Variants in COL19A1 observed in about 807,000 individuals in gnomAD.
The protein encoded by COL19A1 is collagen type XIX alpha 1 chain.
In COL19A1, 159 loss-of-function variants were observed where a neutral mutation model predicts 190.2. That is an observed-to-expected ratio of 0.84 (90% CI 0.73 to 0.95). The LOEUF is 0.95. Ranked by LOEUF, COL19A1 falls within the 40% of genes least tolerant of loss-of-function variation. The pLI, the probability that COL19A1 is intolerant of heterozygous loss-of-function variation, is 0.00. For missense variants in COL19A1, 1,418 were observed against 1,431.9 expected (o/e 0.99, Z 0.16); for synonymous variants, 509 against 458.9 (o/e 1.11, Z -1.39).
At chr6:69,887,031 TAGAA>T (rs1768992788) in intron 2 of COL19A1, among the ~76,000 whole-genome samples, 1 of 152,214 alleles carries the variant, frequency 6.6e-6, no homozygotes. Context: ...GCTTTTAGTG[TAGAA>T]AGACTTTAAT....
intron 15 of COL19A1, 25 bp downstream of exon 15, chr6:70,068,501 G>A: frequency 6.7e-7 from 1 of 1,491,962 alleles, no homozygotes; most frequent in South Asian, 1.2e-5. Context: ...AACAACTGGT[G>A]GGCATTACTA....
chr6:70,193,610 A>G (rs1767012423), intron 48 of COL19A1, among the ~76,000 whole-genome samples: 1 of 152,160 alleles, frequency 6.6e-6, no homozygotes, highest in Non-Finnish European at 1.5e-5. Flanking sequence ...CTTAGCCTTA[A>G]GACAATATTT....
At chr6:70,099,154 T>C (rs1378469197) in intron 15 of COL19A1, among the ~76,000 whole-genome samples, 1 of 151,862 alleles carries the variant, frequency 6.6e-6, no homozygotes, top group Non-Finnish European at 1.5e-5. Context: ...CCACCCACAT[T>C]TCTCATCCAT....
chr6:69,902,820 C>T (rs560040394), intron 4 of COL19A1, among the ~76,000 whole-genome samples: 7 of 152,332 alleles, frequency 4.6e-5, no homozygotes, highest in Non-Finnish European at 7.3e-5. Flanking sequence ...TTATACTGCA[C>T]TCTCACGCCA....
chr6:70,097,472 C>G (rs1783348103), intron 15 of COL19A1, among the ~76,000 whole-genome samples: 1 of 151,410 alleles, frequency 6.6e-6, no homozygotes, highest in African/African-American at 2.4e-5. Flanking sequence ...ACTTCCACTT[C>G]TTGATCCTGA....
intron 2 of COL19A1, chr6:69,889,866 T>A (rs1247703359): frequency 1.3e-5 from 2 of 152,254 alleles, no homozygotes; most frequent in Non-Finnish European, 2.9e-5. Flanking sequence ...AGTGGCAACC[T>A]GGTGGGGTCC....
intron 15 of COL19A1, among the ~76,000 whole-genome samples, chr6:70,091,676 T>A (rs757773522): frequency 6.6e-6 from 1 of 152,138 alleles, no homozygotes; most frequent in African/African-American, 2.4e-5. Flanking sequence ...GGGAACAAGA[T>A]GTATTTAGGG....
At chr6:70,024,607 GTGT>G (rs1778626927) in intron 12 of COL19A1, among the ~76,000 whole-genome samples, 2 of 150,444 alleles carry the variant, frequency 1.3e-5, no homozygotes, top group African/African-American at 4.9e-5. Context: ...GTGTGTGTGT[GTGT>G]GTGTGGGTGT....
intron 1 of COL19A1, among the ~76,000 whole-genome samples, chr6:69,868,206 A>G (rs1226300764): frequency 6.8e-6 from 1 of 146,842 alleles, no homozygotes; most frequent in Non-Finnish European, 1.5e-5. Flanking sequence ...AAGGGAAAAA[A>G]AAAAAAGAAA....
intron 11 of COL19A1, among the ~76,000 whole-genome samples, chr6:70,016,486 C>T (rs1013818425): frequency 7.0e-6 from 1 of 143,110 alleles, no homozygotes; most frequent in Non-Finnish European, 1.5e-5. Context: ...TGTCAAAACT[C>T]ATCAAATTTG....
intron 11 of COL19A1, among the ~76,000 whole-genome samples, chr6:69,975,695 A>G (rs1231796090): frequency 1.3e-5 from 2 of 152,238 alleles, no homozygotes; most frequent in African/African-American, 4.8e-5. Flanking sequence ...CTCTGTAGAC[A>G]TGAATTCTAG....
intron 11 of COL19A1, among the ~76,000 whole-genome samples, chr6:69,999,609 A>G (rs1355774495): frequency 6.6e-6 from 1 of 152,162 alleles, no homozygotes; most frequent in Non-Finnish European, 1.5e-5. Flanking sequence ...AATAATTTGA[A>G]TTAAGAGGAA....
chr6:69,879,648 G>A lies in COL19A1; in HGVS notation c.81G>A (p.Arg27=), dbSNP rs1768377535. 6.2e-7 allele frequency: 1 copy of A among 1,613,794 alleles called. No homozygotes were observed. The highest frequency in any genetic ancestry group is 1.7e-5 in the Admixed American group (1 of 59,976). The change falls in exon 2 of 51, where the codon AGG becomes AGA. Residue 27 remains arginine (R), a synonymous_variant. Coordinates refer to ENST00000620364, the MANE Select transcript of COL19A1 (RefSeq NM_001858.6). ...LLPASTSVTV[R]DKTEESCPIL... is the part of the protein sequence containing the mutation. ...CTGCTTCCACTTCCGTGACCGTTAGGGACAAGACAGGTATCCAGGCCAACT... is the reference window on the plus strand; with the variant it reads ...CTGCTTCCACTTCCGTGACCGTTAGAGACAAGACAGGTATCCAGGCCAACT...
intron 2 of COL19A1, among the ~76,000 whole-genome samples, chr6:69,895,798 C>T (rs956257532): frequency 6.6e-6 from 1 of 152,128 alleles, no homozygotes; most frequent in Non-Finnish European, 1.5e-5. Context: ...TTGCATGTAT[C>T]AATAGTTCAT....
chr6:69,957,299 T>C (rs1203486649), intron 9 of COL19A1, among the ~76,000 whole-genome samples: 1 of 152,150 alleles, frequency 6.6e-6, no homozygotes, highest in Non-Finnish European at 1.5e-5. Context: ...AGCAACCAGC[T>C]GACCCTAAAC....
At chr6:69,973,352 T>A (rs183483765) in intron 11 of COL19A1, among the ~76,000 whole-genome samples, 56 of 152,258 alleles carry the variant, frequency 3.7e-4, no homozygotes, top group Non-Finnish European at 5.4e-4. Flanking sequence ...TGCTCATTAA[T>A]CTCTTCACCC....
In COL19A1 at chr6:70,188,207, C is replaced by T; in HGVS notation, c.2989C>T (p.Gln997Ter). 1.9e-6 allele frequency: 3 copies of T among 1,612,676 alleles called. No individual in the cohort carries two copies. Among genetic ancestry groups the T allele is most frequent in the Non-Finnish European group, 1.7e-6 (2 of 1,179,466 alleles). Residue 997 changes from glutamine to a stop codon, truncating the protein, a stop_gained, in exon 47 of 51, where the codon CAA becomes TAA. Coordinates refer to ENST00000620364, the MANE Select transcript of COL19A1 (RefSeq NM_001858.6). LOFTEE classifies it high-confidence loss of function. ...NKGSMGSPGH[Q>*]GPPGSPGIPG... Reference sequence around the variant, plus strand: ...GGGCTCCATGGGATCCCCTGGCCACCAAGGCCCTCCAGGCTCTCCAGGCAT... The same window carrying T: ...GGGCTCCATGGGATCCCCTGGCCACTAAGGCCCTCCAGGCTCTCCAGGCAT...
rs148388030 is a variant in COL19A1 at position 70,180,027 on chromosome 6, C to T, written c.2668-285C>T. 1.5e-3 allele frequency among the ~76,000 whole-genome samples: 231 copies of T among 152,198 alleles called. 2 individuals are homozygous for T. The highest frequency in any genetic ancestry group is 5.3e-3 in the African/African-American group (219 of 41,526). Reference sequence around the variant, plus strand: ...GCTCCCGAGTAGCTGGGATTACAGGCACGTCCCACCATGCCTGGGTAATTT... The same window carrying T: ...GCTCCCGAGTAGCTGGGATTACAGGTACGTCCCACCATGCCTGGGTAATTT... On this transcript the variant is annotated intron_variant, in intron 42 of 50. Coordinates refer to ENST00000620364, the MANE Select transcript of COL19A1 (RefSeq NM_001858.6).
In COL19A1 at chr6:70,208,899, G is replaced by C. The variant is rs1053095118; in HGVS notation, c.*1625G>C. ...TTCATTATAGATTAATGAACTGCTG[G>C]TCAGGTACTGTCTACAATGGCTGTG... On this transcript the variant is annotated 3_prime_UTR_variant, in exon 51 of 51. Transcript: ENST00000620364. 1.1e-4 allele frequency: 17 copies of C among 152,622 alleles called. No homozygotes were observed. Among genetic ancestry groups the C allele is most frequent in the African/African-American group, 3.9e-4 (16 of 41,456 alleles). The allele number at this position is 152,622 out of a possible 1,614,324, so 9.5% of individuals were successfully genotyped here. A position where few individuals can be genotyped will look rare whatever the true frequency, so the allele number is the denominator to read the frequency against.
Sources: gnomAD v4.1 joint callset for allele counts (sites outside exome capture counted in the v4.1 genomes callset) on GRCh38, gnomAD v4.1.1 for gene constraint, MANE v1.5 for transcripts, NCBI Gene and HGNC (gene_info 2026-07-23, HGNC 2026-07-21) for gene names.